SH3GL3: variants seen among roughly 807,000 people sequenced by gnomAD.
The protein encoded by SH3GL3 is SH3 domain containing GRB2 like 3, endophilin A3.
A neutral mutation model predicts 47.7 loss-of-function variants in SH3GL3; 33 were observed. That is an observed-to-expected ratio of 0.69 (90% confidence interval 0.52 to 0.92). SH3GL3 has a LOEUF of 0.92. Among genes scored for constraint, SH3GL3 ranks in the 40% least tolerant of loss-of-function variants. The pLI is 0.00. For synonymous variants in SH3GL3, 155 were observed against 148.8 expected (o/e 1.04, Z -0.30); for missense variants, 363 against 417.8 (o/e 0.87, Z 1.14).
At chr15:83,480,464 A>G (rs2041298653) in intron 1 of SH3GL3, among the ~76,000 whole-genome samples, 1 of 152,232 alleles carries the variant, frequency 6.6e-6, no homozygotes, top group Non-Finnish European at 1.5e-5. Context: ...ACTCTTTTCA[A>G]ATCACACAGT....
intron 1 of SH3GL3, among the ~76,000 whole-genome samples, chr15:83,518,856 G>C (rs2043094598): frequency 6.6e-6 from 1 of 152,122 alleles, no homozygotes; most frequent in African/African-American, 2.4e-5. Flanking sequence ...TTTTCTTCTA[G>C]AATTCTTATA....
intron 1 of SH3GL3, among the ~76,000 whole-genome samples, chr15:83,456,121 G>GGGGGTCA (rs2039946292): frequency 1.1e-5 from 1 of 88,058 alleles, no homozygotes; most frequent in Non-Finnish European, 2.4e-5. Context: ...TAGGCTGCTC[G>GGGGGTCA]GGGGTCAGGG....
chr15:83,627,553 C>T, the SH3GL3 span, among the ~76,000 whole-genome samples: 12 of 152,174 alleles, frequency 7.9e-5, no homozygotes, highest in Non-Finnish European at 1.2e-4. Flanking sequence ...TAAATGGTTT[C>T]GATGAGTGGT....
At chr15:83,525,637 G>A (rs917906888) in intron 1 of SH3GL3, among the ~76,000 whole-genome samples, 1 of 152,046 alleles carries the variant, frequency 6.6e-6, no homozygotes, top group Non-Finnish European at 1.5e-5. Flanking sequence ...TTTTCTTCTG[G>A]TAGTTCATAG....
intron 1 of SH3GL3, among the ~76,000 whole-genome samples, chr15:83,450,716 TTTTTC>T (rs1411891590): frequency 6.7e-6 from 1 of 149,998 alleles, no homozygotes; most frequent in Non-Finnish European, 1.5e-5. Context: ...TTTTTTTTTT[TTTTTC>T]TAATATGCAT....
At chr15:83,475,744 C>T (rs2041067216) in intron 1 of SH3GL3, among the ~76,000 whole-genome samples, 1 of 152,210 alleles carries the variant, frequency 6.6e-6, no homozygotes, top group African/African-American at 2.4e-5. Flanking sequence ...TTTCTCATGA[C>T]TTCGCACTTA....
At chr15:83,601,814 T>A (rs2060388977) in intron 8 of SH3GL3, among the ~76,000 whole-genome samples, 1 of 151,594 alleles carries the variant, frequency 6.6e-6, no homozygotes, top group Non-Finnish European at 1.5e-5. Flanking sequence ...CAGCTGTGAA[T>A]CCATGTGGTC....
intron 1 of SH3GL3, among the ~76,000 whole-genome samples, chr15:83,461,744 A>T (rs1183623520): frequency 1.3e-5 from 2 of 152,174 alleles, no homozygotes; most frequent in African/African-American, 4.8e-5. Context: ...GGTACTTCGG[A>T]TACAATCTGA....
intron 1 of SH3GL3, among the ~76,000 whole-genome samples, chr15:83,450,944 A>C (rs2039742578): frequency 8.9e-6 from 1 of 112,488 alleles, no homozygotes. Flanking sequence ...TCCCAATGCT[A>C]TCCCTCCCCC....
chr15:83,517,384 T>G (rs1184025941), intron 1 of SH3GL3, among the ~76,000 whole-genome samples: 1 of 151,762 alleles, frequency 6.6e-6, no homozygotes, highest in Non-Finnish European at 1.5e-5. Context: ...TTTGTATTTT[T>G]TAGTAGAGAT....
At chr15:83,530,761 G>T (rs1334983265) in intron 1 of SH3GL3, among the ~76,000 whole-genome samples, 1 of 151,906 alleles carries the variant, frequency 6.6e-6, no homozygotes, top group Non-Finnish European at 1.5e-5. Context: ...ACAACAGGTT[G>T]GCTTTTCTTC....
chr15:83,525,614 TG>T (rs1372405154), intron 1 of SH3GL3, among the ~76,000 whole-genome samples: 1 of 152,002 alleles, frequency 6.6e-6, no homozygotes, highest in Non-Finnish European at 1.5e-5. Flanking sequence ...TGCCCTGGAG[TG>T]TTTCCCCTGA....
chr15:83,457,243 T>C (rs961889244), intron 1 of SH3GL3, among the ~76,000 whole-genome samples: 6 of 152,200 alleles, frequency 3.9e-5, no homozygotes, highest in African/African-American at 1.4e-4. Context: ...CAGTTTCATC[T>C]CTTCTCCTCC....
intron 1 of SH3GL3, among the ~76,000 whole-genome samples, chr15:83,549,300 T>C (rs958340803): frequency 2.6e-5 from 4 of 152,228 alleles, no homozygotes; most frequent in Non-Finnish European, 4.4e-5. Context: ...TTATTTTTAT[T>C]TGAATGGCAC....
At chr15:83,514,881 C>G (rs1219943154) in intron 1 of SH3GL3, among the ~76,000 whole-genome samples, 6 of 152,196 alleles carry the variant, frequency 3.9e-5, no homozygotes, top group Non-Finnish European at 7.4e-5. Context: ...TGTCCATGTC[C>G]TAATCCCTAG....
At chr15:83,529,621 G>A (rs1256329591) in intron 1 of SH3GL3, among the ~76,000 whole-genome samples, 1 of 151,764 alleles carries the variant, frequency 6.6e-6, no homozygotes. Context: ...GTATGCACGA[G>A]TGCAGGCTGT....
At chr15:83,475,004 C>G (rs2041029285) in intron 1 of SH3GL3, among the ~76,000 whole-genome samples, 1 of 150,966 alleles carries the variant, frequency 6.6e-6, no homozygotes, top group South Asian at 2.1e-4. Flanking sequence ...CTTTTGAGAA[C>G]AGGATGCAAG....
chr15:83,460,068 C>CCCTT lies in SH3GL3; in HGVS notation c.45+12515_45+12518dup, dbSNP rs1167747866. Among the ~76,000 whole-genome samples, 303 of 46,556 alleles carry CCCTT rather than the reference C, an allele frequency of 6.5e-3. 6 individuals are homozygous for CCCTT. Among genetic ancestry groups the CCCTT allele is most frequent in the East Asian group, 0.011 (12 of 1,072 alleles). 30.5% of individuals were successfully genotyped at this position (46,556 alleles called of 152,430 possible). ...TCCCTCCCTCCCTGCCTCCCTCCCTCCCTTCCTTCCTTCCTTCCTTCCTTC... is the reference window on the plus strand; with the variant it reads ...TCCCTCCCTCCCTGCCTCCCTCCCTCCCTTCCTTCCTTCCTTCCTTCCTTCCTTC... On this transcript the variant is annotated intron_variant, in intron 1 of 8. Coordinates refer to ENST00000427482, the MANE Select transcript of SH3GL3 (RefSeq NM_003027.5).
chr15:83,576,085 C>T (rs2059668215), intron 5 of SH3GL3, among the ~76,000 whole-genome samples: 1 of 152,102 alleles, frequency 6.6e-6, no homozygotes, highest in Non-Finnish European at 1.5e-5. Flanking sequence ...TTTTACGCAA[C>T]TTATTTCTTG....
Sources: allele counts gnomAD v4.1 joint callset (sites outside exome capture counted in the v4.1 genomes callset), GRCh38; gene constraint gnomAD v4.1.1; transcripts MANE v1.5; gene names NCBI Gene and HGNC (gene_info 2026-07-23, HGNC 2026-07-21).